DNAJC7: variants seen among roughly 807,000 people sequenced by gnomAD.
DNAJC7 encodes dnaJ homolog subfamily C member 7.
In DNAJC7, 18 loss-of-function variants were observed where a neutral mutation model predicts 67.4. The observed-to-expected ratio is 0.27, with a 90% CI of 0.18 to 0.40. The LOEUF is 0.40. DNAJC7 is among the 10% of genes least tolerant of loss of function. The pLI, the probability that DNAJC7 is intolerant of heterozygous loss-of-function variation, is 1.00. For synonymous variants in DNAJC7, 220 were observed against 207.8 expected (o/e 1.06, Z -0.50); for missense variants, 419 against 613.8 (o/e 0.68, Z 3.35).
chr17:41,987,751 A>T, intron 9 of DNAJC7, 68 bp downstream of exon 9: 1 of 1,375,560 alleles, frequency 7.3e-7, no homozygotes. Flanking sequence ...CTGCTTCGTC[A>T]TCCACAAGGC....
At chr17:42,010,831 A>T (rs2052097585) in intron 1 of DNAJC7, among the ~76,000 whole-genome samples, 1 of 152,176 alleles carries the variant, frequency 6.6e-6, no homozygotes, top group Non-Finnish European at 1.5e-5. Flanking sequence ...ATAGAATTTC[A>T]CGTCTCAGAA....
At chr17:42,010,611 G>A (rs2052092053) in intron 1 of DNAJC7, among the ~76,000 whole-genome samples, 1 of 152,108 alleles carries the variant, frequency 6.6e-6, no homozygotes, top group South Asian at 2.1e-4. Flanking sequence ...ACTTCTCAAA[G>A]TTGTCTTGGT....
At chr17:41,984,849 C>G (rs1374899464) in intron 9 of DNAJC7, 4 of 151,264 alleles carry the variant, frequency 2.6e-5, no homozygotes, top group African/African-American at 4.9e-5. Context: ...TTTTTTGACA[C>G]AGAGTCTCAC....
chr17:41,989,270 A>G lies in DNAJC7; in HGVS notation c.753+134T>C, dbSNP rs1598126687. The G allele has an allele frequency of 9.5e-6, 12 of 1,269,690 alleles. No homozygotes were observed. In the East Asian group the frequency reaches 2.6e-4, roughly 27 times the overall value. The allele number at this position is 1,269,690 out of a possible 1,614,324, so 78.7% of individuals were successfully genotyped here. A position where few individuals can be genotyped will look rare whatever the true frequency, so the allele number is the denominator to read the frequency against. ...AAGTAGTCCTGAAACCATTTCTAAT[A>G]AAGACCAAGCATCCTTGCAAAGCAG... On this transcript the variant is annotated intron_variant, in intron 7 of 13. Transcript: ENST00000457167.
chr17:41,985,814 T>G (rs897750358), intron 9 of DNAJC7: 1 of 151,962 alleles, frequency 6.6e-6, no homozygotes, highest in African/African-American at 2.4e-5. Context: ...CTTCAGGAGA[T>G]TGTTGCCAAA....
intron 2 of DNAJC7, 78 bp downstream of exon 2, chr17:42,000,404 C>A (rs942082319): frequency 3.5e-5 from 35 of 997,824 alleles, no homozygotes; most frequent in Middle Eastern, 6.4e-4. Context: ...CAGGCGTGAG[C>A]CACCAGGACT....
At chr17:42,001,423 T>C (rs2051804296) in intron 1 of DNAJC7, among the ~76,000 whole-genome samples, 2 of 152,198 alleles carry the variant, frequency 1.3e-5, no homozygotes, top group African/African-American at 4.8e-5. Context: ...AACAATGTTA[T>C]ATAATTGGGA....
At chr17:41,978,439 T>G in intron 12 of DNAJC7, among the ~76,000 whole-genome samples, 1 of 152,194 alleles carries the variant, frequency 6.6e-6, no homozygotes, top group Admixed American at 6.5e-5. Flanking sequence ...GACTGTGCCC[T>G]CCAATCCTTT....
intron 4 of DNAJC7, 34 bp downstream of exon 4, chr17:41,996,277 G>C (rs782120781): frequency 6.2e-7 from 1 of 1,602,436 alleles, no homozygotes; most frequent in Non-Finnish European, 8.5e-7. Context: ...ATACCATACT[G>C]CCTCTTTTGA....
rs1567955013 is a variant in DNAJC7 at position 41,982,539 on chromosome 17, GA to G, written c.1085-139del. ...TTACGGTGCTTTCTTCTGGAGATTA[GA>G]AAAAAAATCTACTCGGCCAGGCACG... is the stretch of plus-strand genomic sequence containing the variant. On this transcript the variant is annotated intron_variant, in intron 10 of 13. Transcript: ENST00000457167. The G allele has an allele frequency of 1.5e-5, 17 of 1,163,524 alleles. No homozygotes were observed. The East Asian group carries it at 1.7e-4, about 12-fold the overall frequency. The allele number at this position is 1,163,524 out of a possible 1,614,324, so 72.1% of individuals were successfully genotyped here.
chr17:42,016,898 C>T (rs1342755755), intron 1 of DNAJC7: 138 of 1,050,732 alleles, frequency 1.3e-4, no homozygotes, highest in Non-Finnish European at 1.5e-4. Context: ...GGTATAATTA[C>T]AAGGGAAAAC....
At chr17:41,990,130 G>C (rs2051476315) in intron 6 of DNAJC7, 134 bp downstream of exon 6, 1 of 791,002 alleles carries the variant, frequency 1.3e-6, no homozygotes, top group African/African-American at 1.7e-5. Flanking sequence ...TCTAATCTTT[G>C]ACTTTAAGTC....
chr17:41,992,821 G>C (rs2051544954), intron 5 of DNAJC7: 1 of 152,164 alleles, frequency 6.6e-6, no homozygotes, highest in African/African-American at 2.4e-5. Flanking sequence ...TGGGGGGGCT[G>C]GGATGTCACA....
intron 2 of DNAJC7, among the ~76,000 whole-genome samples, chr17:42,000,261 G>T (rs537444718): frequency 6.6e-6 from 1 of 151,120 alleles, no homozygotes; most frequent in African/African-American, 2.4e-5. Flanking sequence ...TGGGATTACA[G>T]GTGCCCGCCA....
intron 1 of DNAJC7, among the ~76,000 whole-genome samples, chr17:42,005,043 C>G (rs1567967991): frequency 1.3e-5 from 2 of 152,172 alleles, no homozygotes; most frequent in Non-Finnish European, 2.9e-5. Flanking sequence ...AACCACCCAC[C>G]AGTAAGAAAA....
intron 1 of DNAJC7, chr17:42,011,747 C>T (rs1282991273): frequency 6.6e-6 from 1 of 152,146 alleles, no homozygotes; most frequent in Non-Finnish European, 1.5e-5. Flanking sequence ...TCTGAAACTT[C>T]AAGAGGAAGA....
chr17:42,005,245 A>C (rs144901003), intron 1 of DNAJC7, among the ~76,000 whole-genome samples: 20 of 152,338 alleles, frequency 1.3e-4, no homozygotes, highest in Middle Eastern at 3.4e-3. Flanking sequence ...CATGTGATTA[A>C]ATCAGACAAC....
At chr17:41,979,830 G>A (rs537044636) in intron 12 of DNAJC7, among the ~76,000 whole-genome samples, 162 of 151,090 alleles carry the variant, frequency 1.1e-3, no homozygotes, top group Non-Finnish European at 1.4e-3. Flanking sequence ...GCGTGGTGGC[G>A]CACACCTGTA....
chr17:42,014,155 T>A (rs2052198286), intron 1 of DNAJC7: 1 of 151,856 alleles, frequency 6.6e-6, no homozygotes, highest in Non-Finnish European at 1.5e-5. Flanking sequence ...GATTTTTTTG[T>A]TTATTTCACT....
Sources: allele counts gnomAD v4.1 joint callset (sites outside exome capture counted in the v4.1 genomes callset), GRCh38; gene constraint gnomAD v4.1.1; transcripts MANE v1.5; gene names NCBI Gene and HGNC (gene_info 2026-07-23, HGNC 2026-07-21).